NUP205: variants seen among roughly 807,000 people sequenced by gnomAD.
The protein encoded by NUP205 is nucleoporin 205, also known as nuclear pore complex protein Nup205.
NUP205 carries 76 observed loss-of-function variants against 253.8 expected under a neutral mutation model. The observed-to-expected ratio is 0.30, with a 90% CI of 0.25 to 0.36. NUP205 has a LOEUF of 0.36. Among genes scored for constraint, NUP205 ranks in the 10% least tolerant of loss-of-function variants. The pLI, the probability that NUP205 is intolerant of heterozygous loss-of-function variation, is 1.00. For missense variants in NUP205, 2,162 were observed against 2,425.5 expected (o/e 0.89, Z 2.28); for synonymous variants, 832 against 850.1 (o/e 0.98, Z 0.37).
At chr7:135,644,230 C>T (rs925607884) in intron 39 of NUP205, among the ~76,000 whole-genome samples, 3 of 152,192 alleles carry the variant, frequency 2.0e-5, no homozygotes, top group Non-Finnish European at 4.4e-5. Context: ...CAGGGTGAGG[C>T]AGGAGTCAAT....
Position 135,601,432 on chromosome 7 carries a change from T to A in NUP205, c.2437T>A (p.Ser813Thr), listed in dbSNP as rs376028859. ...FSLMYHLLNE[S>T]PMLELALSLL... ...TCTGATGTATCATCTGCTGAATGAG[T>A]CACCAATGTTGGAGCTTGCTCTCAG... Residue 813 changes from serine (S) to threonine (T), a missense_variant, in exon 17 of 43, where the codon TCA (serine) becomes ACA (threonine). By Grantham distance (58) the Ser-to-Thr change is moderately conservative (BLOSUM62 1). Coordinates refer to ENST00000285968, the MANE Select transcript of NUP205 (RefSeq NM_015135.3). 5 of 1,613,850 alleles carry A rather than the reference T, an allele frequency of 3.1e-6. No homozygotes were observed. The highest frequency in any genetic ancestry group is 3.4e-6 in the Non-Finnish European group (4 of 1,179,808).
At chr7:135,579,938 G>A (rs529817672) in intron 7 of NUP205, among the ~76,000 whole-genome samples, 4 of 152,280 alleles carry the variant, frequency 2.6e-5, no homozygotes, top group African/African-American at 9.6e-5. Flanking sequence ...GAGCCACCGC[G>A]CCTGACCAGA....
Position 135,606,231 on chromosome 7 carries a change from G to A in NUP205, c.2905+5G>A, listed in dbSNP as rs748623641. The A allele has an allele frequency of 2.5e-6, 4 of 1,582,396 alleles. No homozygotes were observed. Among genetic ancestry groups the A allele is most frequent in the East Asian group, 4.5e-5 (2 of 44,630 alleles). ...AATTTGTACGTCTGGAAGAGGGTAT[G>A]CCTTAGATTAATGTGCATACACGCA... On this transcript the variant is annotated splice_donor_5th_base_variant and intron_variant, in intron 20 of 42. Coordinates refer to ENST00000285968, the MANE Select transcript of NUP205 (RefSeq NM_015135.3).
At chr7:135,598,339 A>T in intron 15 of NUP205, 132 bp downstream of exon 15, 1 of 821,856 alleles carries the variant, frequency 1.2e-6, no homozygotes, top group Non-Finnish European at 1.9e-6. Flanking sequence ...TGAAATATCT[A>T]TGAAGTGGTC....
chr7:135,604,109 A>G (rs995036341), intron 18 of NUP205, among the ~76,000 whole-genome samples: 6 of 152,150 alleles, frequency 3.9e-5, no homozygotes, highest in Non-Finnish European at 7.4e-5. Context: ...CAAAGACCCT[A>G]CTTTCAGATA....
At chr7:135,633,256 G>A (rs936306096) in intron 35 of NUP205, among the ~76,000 whole-genome samples, 1 of 151,224 alleles carries the variant, frequency 6.6e-6, no homozygotes, top group African/African-American at 2.4e-5. Flanking sequence ...GAGCCACCAC[G>A]CCTGGCCTAT....
At chr7:135,619,023 T>A (rs1563131357) in intron 28 of NUP205, among the ~76,000 whole-genome samples, 1 of 152,216 alleles carries the variant, frequency 6.6e-6, no homozygotes, top group African/African-American at 2.4e-5. Flanking sequence ...AATTTCTGTA[T>A]TCCATTCTTA....
In NUP205 at chr7:135,616,721, C is replaced by G; in HGVS notation, c.3527C>G (p.Thr1176Arg). 6.5e-7 allele frequency: 1 copy of G among 1,532,996 alleles called. No homozygotes were observed. Among genetic ancestry groups the G allele is most frequent in the Non-Finnish European group, 8.8e-7 (1 of 1,138,584 alleles). The allele number at this position is 1,532,996 out of a possible 1,614,324, so 95.0% of individuals were successfully genotyped here. A position where few individuals can be genotyped will look rare whatever the true frequency, so the allele number is the denominator to read the frequency against. The change falls in exon 25 of 43, where the codon ACA (threonine) becomes AGA (arginine). Residue 1176 changes from threonine (T) to arginine (R), a missense_variant. This residue lies in a region of NUP205 where 1,144 missense variants were observed against 1,280.9 expected (regional missense o/e 0.89). Coordinates refer to ENST00000285968, the MANE Select transcript of NUP205 (RefSeq NM_015135.3). The stretch of plus-strand genomic sequence containing the variant: ...GGGTTCCTTCACTTTGACACTGCTA[C>G]AAAAGGTAATGCCCTTTGAATTTGT... ...VSGFLHFDTA[T>R]KVRRKILNIL...
intron 24 of NUP205, 65 bp from the exon 25 acceptor site, chr7:135,616,590 C>A: frequency 2.1e-6 from 2 of 964,102 alleles, no homozygotes; most frequent in South Asian, 1.9e-5. Context: ...TTTGTTATTT[C>A]CAAATAAATA....
chr7:135,593,942 G>A (rs559604753), intron 12 of NUP205, among the ~76,000 whole-genome samples: 1 of 152,110 alleles, frequency 6.6e-6, no homozygotes, highest in African/African-American at 2.4e-5. Context: ...AATTCATTGT[G>A]TATGTTCAAA....
chr7:135,598,951 A>T (rs1425165475), intron 15 of NUP205: 1 of 152,116 alleles, frequency 6.6e-6, no homozygotes, highest in Non-Finnish European at 1.5e-5. Context: ...AATACTGTTT[A>T]TTAACCTTAC....
chr7:135,610,698 CTA>C (rs1044846790), intron 22 of NUP205, among the ~76,000 whole-genome samples: 1 of 152,176 alleles, frequency 6.6e-6, no homozygotes, highest in Non-Finnish European at 1.5e-5. Context: ...CTCCCTATAC[CTA>C]TATGTTTGTA....
At position 135,591,293 on chromosome 7, in the gene NUP205, A is replaced by T. The variant is rs572140812; in HGVS notation, c.1474-157A>T. Among the ~76,000 whole-genome samples the T allele has an allele frequency of 1.6e-4, 24 of 152,356 alleles. No homozygotes were observed. In the South Asian group the frequency reaches 5.0e-3, roughly 32 times the overall value. ...ATTAAATTGCTAATGACAAGCTTAA[A>T]CAATTTTTCATAAATAGAATATCAG... is the stretch of plus-strand genomic sequence containing the variant. On this transcript the variant is annotated intron_variant, in intron 10 of 42. Transcript: ENST00000285968.
Position 135,563,373 on chromosome 7 carries a change from G to A in NUP205, c.28+5401G>A, listed in dbSNP as rs145166161. 2.5e-3 allele frequency among the ~76,000 whole-genome samples: 374 copies of A among 151,970 alleles called. 8 individuals carry two copies. In the East Asian group the frequency reaches 0.038, roughly 16 times the overall value. ...TGGCTAATTTTTTGTATTTTTGGTA[G>A]AGACGGGGTTTCGCTGTGTTGGCCA... On this transcript the variant is annotated intron_variant, in intron 1 of 42. Coordinates refer to ENST00000285968, the MANE Select transcript of NUP205 (RefSeq NM_015135.3).
chr7:135,642,020 C>T (rs893187978), intron 38 of NUP205, among the ~76,000 whole-genome samples: 3 of 151,346 alleles, frequency 2.0e-5, no homozygotes, highest in South Asian at 2.1e-4. Context: ...TTTGGGAGGC[C>T]GAGGCGGGTG....
At chr7:135,647,279 C>T (rs1235555433) in intron 42 of NUP205, among the ~76,000 whole-genome samples, 1 of 152,154 alleles carries the variant, frequency 6.6e-6, no homozygotes, top group Non-Finnish European at 1.5e-5. Flanking sequence ...CTCCCAAATC[C>T]CTCTTTTTGC....
intron 35 of NUP205, 192 bp from the exon 36 acceptor site, chr7:135,635,389 A>G (rs1393115551): frequency 2.7e-6 from 1 of 372,504 alleles, no homozygotes; most frequent in East Asian, 4.0e-5. Flanking sequence ...TTGAATGCGC[A>G]TGTACCGGTG....
At chr7:135,559,099 AC>A (rs1805510949) in intron 1 of NUP205, among the ~76,000 whole-genome samples, 1 of 152,064 alleles carries the variant, frequency 6.6e-6, no homozygotes. Flanking sequence ...ACTGTTACAT[AC>A]TCCGTTTTAC....
Position 135,571,175 on chromosome 7 carries a change from TG to T in NUP205, c.100del (p.Glu34LysfsTer10). On this transcript the variant is annotated frameshift_variant, in exon 2 of 43. Coordinates refer to ENST00000285968, the MANE Select transcript of NUP205 (RefSeq NM_015135.3). LOFTEE classifies it high-confidence loss of function. ...VGNALWRRQPEAVHLLDKILK... is the reference protein window; with the variant it reads ...VGNALWRRQPXAVHLLDKILK... Reference sequence around the variant, plus strand: ...GAAATGCTCTTTGGAGAAGACAACCTGAAGCTGTTCACCTTCTTGATAAGAT... The same window carrying T: ...GAAATGCTCTTTGGAGAAGACAACCTAAGCTGTTCACCTTCTTGATAAGAT... The T allele has an allele frequency of 6.6e-7, 1 of 1,520,290 alleles. No homozygotes were observed. The highest frequency in any genetic ancestry group is 8.8e-7 in the Non-Finnish European group (1 of 1,131,608). 94.2% of individuals were successfully genotyped at this position (1,520,290 alleles called of 1,614,324 possible).
Sources: gnomAD v4.1 joint callset for allele counts (sites outside exome capture counted in the v4.1 genomes callset) on GRCh38, gnomAD v4.1.1 for gene constraint, gnomAD v4.1.1 regional missense constraint, MANE v1.5 for transcripts, NCBI Gene and HGNC (gene_info 2026-07-23, HGNC 2026-07-21) for gene names.